Variants in PCDHGA6 observed in about 807,000 individuals in gnomAD.
The protein encoded by PCDHGA6 is protocadherin gamma subfamily A, 6.
PCDHGA6 carries 41 observed loss-of-function variants against 60.6 expected under a neutral mutation model. The observed-to-expected ratio is 0.68, with a 90% confidence interval of 0.53 to 0.88. PCDHGA6 has a LOEUF of 0.88. Ranked by LOEUF, PCDHGA6 falls within the 40% of genes least tolerant of loss-of-function variation. PCDHGA6 has a pLI of 0.00. For missense variants in PCDHGA6, 1,312 were observed against 1,203.0 expected (o/e 1.09, Z -1.34); for synonymous variants, 594 against 524.4 (o/e 1.13, Z -1.81).
In PCDHGA6 at chr5:141,374,709, G is replaced by T. The variant is rs774211225; in HGVS notation, c.626G>T (p.Arg209Leu). 6.8e-6 allele frequency: 11 copies of T among 1,608,934 alleles called. No individual in the cohort carries two copies. The African/African-American group carries it at 8.0e-5, about 12-fold the overall frequency. Residue 209 changes from arginine to leucine, a missense_variant, in exon 1 of 4, where the codon CGC (arginine) becomes CTC (leucine). By Grantham distance (102) the Arg-to-Leu change is moderately radical. Coordinates refer to ENST00000517434, the MANE Select transcript of PCDHGA6 (RefSeq NM_018919.3). ...TLDREGEAVY[R>L]LVLTAMDGGD... ...GACCGGGAAGGAGAAGCCGTTTACC[G>T]CCTGGTCCTTACTGCCATGGATGGC...
rs1370450155 is a variant in PCDHGA6, at chr5:141,431,480, G to T, written c.2424+54973G>T. On this transcript the variant is annotated intron_variant, in intron 1 of 3. Coordinates refer to ENST00000517434, the MANE Select transcript of PCDHGA6 (RefSeq NM_018919.3). This position sits in a 1 kb window ranked among gnomAD's most constrained non-coding sequence, Gnocchi z 4.8. Reference sequence around the variant, plus strand: ...TCTGGATGCGAACGACAACGCACCAGCGTTTGCTCAGCCCGAGTACCGCGC... The same window carrying T: ...TCTGGATGCGAACGACAACGCACCATCGTTTGCTCAGCCCGAGTACCGCGC... 3 of 1,613,924 alleles carry T rather than the reference G, an allele frequency of 1.9e-6. No individual in the cohort carries two copies. Among genetic ancestry groups the T allele is most frequent in the Non-Finnish European group, 2.5e-6 (3 of 1,179,990 alleles).
chr5:141,419,115 A>G (rs1159582360), intron 1 of PCDHGA6: 1 of 1,613,872 alleles, frequency 6.2e-7, no homozygotes, highest in Non-Finnish European at 8.5e-7. Flanking sequence ...CCAGAGTACA[A>G]CGTCACCATC....
intron 3 of PCDHGA6, among the ~76,000 whole-genome samples, chr5:141,505,981 A>G (rs1285802357): frequency 6.6e-6 from 1 of 151,898 alleles, no homozygotes; most frequent in Non-Finnish European, 1.5e-5. Context: ...CCGAGAGAAC[A>G]CCTCCTCTTT....
chr5:141,405,648 G>A (rs936380418), intron 1 of PCDHGA6: 3 of 523,734 alleles, frequency 5.7e-6, no homozygotes, highest in East Asian at 3.2e-5. Flanking sequence ...CTAATTTTTT[G>A]TGTGTTTTTA....
chr5:141,412,898 C>T (rs1300324880), intron 1 of PCDHGA6: 2 of 361,136 alleles, frequency 5.5e-6, no homozygotes, highest in Non-Finnish European at 9.8e-6. Context: ...AGTTTACTTT[C>T]CATTGCATGT....
At chr5:141,407,943 T>C (rs575027782) in intron 1 of PCDHGA6, 7 of 537,790 alleles carry the variant, frequency 1.3e-5, no homozygotes, top group African/African-American at 7.6e-5. Flanking sequence ...TGGGCGCCGC[T>C]GTCGGCCAGT....
rs967436443 is a variant in PCDHGA6 at position 141,400,001 on chromosome 5, C to G, written c.2424+23494C>G. On this transcript the variant is annotated intron_variant, in intron 1 of 3. Transcript: ENST00000517434. ...CTGCGCACAGGAGAGGTGCGCACAG[C>G]GCGTGCCTTGGGCGACAGGGACGCG... 5.0e-6 allele frequency: 8 copies of G among 1,612,262 alleles called. No individual in the cohort carries two copies. In the Admixed American group the frequency reaches 5.0e-5, roughly 10 times the overall value.
intron 1 of PCDHGA6, among the ~76,000 whole-genome samples, chr5:141,437,983 A>G (rs544812394): frequency 4.6e-5 from 7 of 151,938 alleles, no homozygotes; most frequent in Admixed American, 2.6e-4. Context: ...GGATGCACCC[A>G]CCCCACCTCA....
chr5:141,478,210 A>G, intron 1 of PCDHGA6: 1 of 1,614,064 alleles, frequency 6.2e-7, no homozygotes, highest in East Asian at 2.2e-5. Flanking sequence ...TTCTTTCTCT[A>G]ATCCTGGTTT....
At chr5:141,435,055 A>T (rs148331367) in intron 1 of PCDHGA6, among the ~76,000 whole-genome samples, 5 of 152,124 alleles carry the variant, frequency 3.3e-5, no homozygotes, top group Non-Finnish European at 7.4e-5. Flanking sequence ...TTGACCATGC[A>T]GCAGTTTTGT....
At chr5:141,509,536 A>T (rs778275338) in intron 3 of PCDHGA6, among the ~76,000 whole-genome samples, 1 of 152,130 alleles carries the variant, frequency 6.6e-6, no homozygotes, top group Non-Finnish European at 1.5e-5. Context: ...AGGATGAAGC[A>T]CCATCTCATT....
Position 141,487,171 on chromosome 5 carries a change from G to C in PCDHGA6, c.2425-7636G>C. ...CTGTTACTCTCTTAGTGTCCTTAGA[G>C]GAAGACACTCATCCAGTTGTCCCAG... On this transcript the variant is annotated intron_variant, in intron 1 of 3. Transcript: ENST00000517434. The surrounding 1 kb of genome is among the most constrained non-coding windows in gnomAD (Gnocchi z 5.0). 1 of 1,612,938 alleles carries C rather than the reference G, an allele frequency of 6.2e-7. No individual in the cohort carries two copies. Among genetic ancestry groups the C allele is most frequent in the Non-Finnish European group, 8.5e-7 (1 of 1,178,910 alleles).
intron 1 of PCDHGA6, among the ~76,000 whole-genome samples, chr5:141,449,413 C>G (rs2098637966): frequency 6.6e-6 from 1 of 151,656 alleles, no homozygotes; most frequent in African/African-American, 2.4e-5. Flanking sequence ...TCAAGACCAG[C>G]CTGGCCAACA....
chr5:141,435,467 G>A (rs1019246812), intron 1 of PCDHGA6, among the ~76,000 whole-genome samples: 3 of 152,146 alleles, frequency 2.0e-5, no homozygotes, highest in Non-Finnish European at 2.9e-5. Context: ...GTGTTTCCAA[G>A]TTAGACATTT....
intron 1 of PCDHGA6, chr5:141,420,411 T>C: frequency 8.1e-7 from 1 of 1,229,398 alleles, no homozygotes; most frequent in Non-Finnish European, 1.1e-6. Context: ...ATGGTTATCA[T>C]TATTAAAACA....
intron 1 of PCDHGA6, chr5:141,424,187 A>C (rs2096804354): frequency 5.3e-6 from 1 of 188,948 alleles, no homozygotes; most frequent in African/African-American, 2.4e-5. Context: ...ACATGCACAC[A>C]CACTTATACA....
intron 1 of PCDHGA6, chr5:141,404,026 A>T: frequency 6.2e-7 from 1 of 1,613,874 alleles, no homozygotes; most frequent in Non-Finnish European, 8.5e-7. Context: ...CAGTGAGAGA[A>T]GACGCACCTC....
rs751905674 is a variant in PCDHGA6, at chr5:141,408,643, C to A, written c.2424+32136C>A. On this transcript the variant is annotated intron_variant, in intron 1 of 3. Coordinates refer to ENST00000517434, the MANE Select transcript of PCDHGA6 (RefSeq NM_018919.3). ...ATTTAGAAATTTTCGAATCTGCATCCGCTGGTACACGACTATCGCTTGACC... is the reference window on the plus strand; with the variant it reads ...ATTTAGAAATTTTCGAATCTGCATCAGCTGGTACACGACTATCGCTTGACC... 13 of 1,613,792 alleles carry A rather than the reference C, an allele frequency of 8.1e-6. No homozygotes were observed. The African/African-American group carries it at 1.6e-4, about 20-fold the overall frequency.
chr5:141,505,298 T>C, intron 2 of PCDHGA6, 95 bp from the exon 3 acceptor site: 1 of 1,586,334 alleles, frequency 6.3e-7, no homozygotes, highest in Non-Finnish European at 8.6e-7. Flanking sequence ...GGGGTAGGGT[T>C]AGGGTACTAG....
Sources: allele counts gnomAD v4.1 joint callset (sites outside exome capture counted in the v4.1 genomes callset), GRCh38; gene constraint gnomAD v4.1.1; non-coding constraint Gnocchi (gnomAD v3.1); transcripts MANE v1.5; gene names NCBI Gene and HGNC (gene_info 2026-07-23, HGNC 2026-07-21).